The following OR3A2 variants were observed in gnomAD, a reference collection of about 807,000 sequenced individuals.
The protein encoded by OR3A2 is olfactory receptor 3A2.
For synonymous variants in OR3A2, 126 were observed against 159.3 expected, an observed-to-expected ratio of 0.79 and a Z score of 1.57; for missense variants, 318 against 392.8, an observed-to-expected ratio of 0.81 and a Z score of 1.61.
chr17:3,320,226 TTTG>T (rs2049109228), intron 3 of OR3A2, among the ~76,000 whole-genome samples: 1 of 131,050 alleles, frequency 7.6e-6, no homozygotes, highest in South Asian at 3.3e-4. Flanking sequence ...GATGGGGTTG[TTTG>T]TTTTTTTCTT....
At chr17:3,349,873 G>C (rs941717757) in intron 2 of OR3A2, among the ~76,000 whole-genome samples, 3 of 152,048 alleles carry the variant, frequency 2.0e-5, no homozygotes, top group African/African-American at 7.3e-5. Context: ...TCATGATTAA[G>C]AATCTCACTC....
intron 2 of OR3A2, among the ~76,000 whole-genome samples, chr17:3,361,538 T>C (rs1220736261): frequency 6.6e-6 from 1 of 151,698 alleles, no homozygotes; most frequent in African/African-American, 2.4e-5. Context: ...TTCAGTATGA[T>C]ATTGGCTGTG....
intron 2 of OR3A2, among the ~76,000 whole-genome samples, chr17:3,341,697 T>C (rs2049320341): frequency 6.6e-6 from 1 of 152,186 alleles, no homozygotes; most frequent in Non-Finnish European, 1.5e-5. Context: ...GCCCTTAACA[T>C]TTTTTCTTTC....
intron 3 of OR3A2, among the ~76,000 whole-genome samples, chr17:3,312,388 A>G (rs1158267113): frequency 6.6e-6 from 1 of 152,156 alleles, no homozygotes; most frequent in Non-Finnish European, 1.5e-5. Flanking sequence ...CTTGACATAC[A>G]CTAGGAGCAG....
chr17:3,302,468 A>G (rs1219834085), intron 3 of OR3A2, among the ~76,000 whole-genome samples: 1 of 152,192 alleles, frequency 6.6e-6, no homozygotes, highest in African/African-American at 2.4e-5. Flanking sequence ...ATCTTTGACA[A>G]ACCTGACAAA....
intron 2 of OR3A2, among the ~76,000 whole-genome samples, chr17:3,374,138 G>C (rs1459658610): frequency 6.6e-6 from 1 of 152,128 alleles, no homozygotes; most frequent in African/African-American, 2.4e-5. Flanking sequence ...ATCCCTTCTG[G>C]CTTGTAGGGC....
intron 2 of OR3A2, among the ~76,000 whole-genome samples, chr17:3,340,925 C>T (rs1222694587): frequency 2.0e-5 from 3 of 152,010 alleles, no homozygotes; most frequent in African/African-American, 7.3e-5. Context: ...TCTCTCAGGA[C>T]TTGCTTTATG....
chr17:3,287,200 T>C (rs747932047), upstream of OR3A2, among the ~76,000 whole-genome samples: 53 of 152,206 alleles, frequency 3.5e-4, no homozygotes, highest in Admixed American at 3.5e-3. Context: ...TAATGTACAC[T>C]GTACTAATTA....
At chr17:3,279,029 G>C in intron 1 of OR3A2, 47 bp downstream of exon 4, 1 of 1,531,400 alleles carries the variant, frequency 6.5e-7, no homozygotes, top group Non-Finnish European at 8.8e-7. Flanking sequence ...CGAGTCCCCA[G>C]GCCATCCCTC....
At chr17:3,316,789 CAG>C (rs1159309931) in intron 3 of OR3A2, among the ~76,000 whole-genome samples, 40 of 152,280 alleles carry the variant, frequency 2.6e-4, no homozygotes, top group African/African-American at 9.4e-4. Flanking sequence ...CAAAACTAAA[CAG>C]AGTGATAATG....
At chr17:3,373,795 A>G (rs1465477381) in intron 2 of OR3A2, among the ~76,000 whole-genome samples, 1 of 152,144 alleles carries the variant, frequency 6.6e-6, no homozygotes, top group Admixed American at 6.5e-5. Flanking sequence ...TTTACATTCA[A>G]TGTTAATACT....
At chr17:3,385,449 G>GGATAGATA (rs56810423) in intron 1 of OR3A2, among the ~76,000 whole-genome samples, 14 of 151,970 alleles carry the variant, frequency 9.2e-5, no homozygotes, top group African/African-American at 3.1e-4. Context: ...TGATAGAGGA[G>GGATAGATA]GATAGATAGA....
At chr17:3,334,943 A>G (rs2150644417) in intron 3 of OR3A2, among the ~76,000 whole-genome samples, 1 of 152,318 alleles carries the variant, frequency 6.6e-6, no homozygotes, top group African/African-American at 2.4e-5. Flanking sequence ...CTTCAACAGG[A>G]AGGTGACAGT....
intron 2 of OR3A2, among the ~76,000 whole-genome samples, chr17:3,372,309 G>A (rs1457021984): frequency 3.4e-5 from 5 of 149,072 alleles, no homozygotes; most frequent in Admixed American, 1.3e-4. Flanking sequence ...ATGGGATGGC[G>A]GCCGGGCAGA....
At chr17:3,375,860 T>A (rs1464595942) in intron 2 of OR3A2, among the ~76,000 whole-genome samples, 2 of 152,152 alleles carry the variant, frequency 1.3e-5, no homozygotes, top group Non-Finnish European at 2.9e-5. Flanking sequence ...GCAGTGATTG[T>A]TATTTGTCTT....
chr17:3,363,243 CT>C (rs57211525), intron 2 of OR3A2, among the ~76,000 whole-genome samples: 1,801 of 151,880 alleles, frequency 0.012, 97 homozygotes, highest in African/African-American at 0.041. Context: ...TGCTCTATTT[CT>C]TTCTTCATGC....
chr17:3,330,199 G>A (rs917108950), intron 3 of OR3A2, among the ~76,000 whole-genome samples: 1 of 151,414 alleles, frequency 6.6e-6, no homozygotes, highest in African/African-American at 2.4e-5. Flanking sequence ...TTGATTTGGG[G>A]TGGAGAGTTC....
At chr17:3,301,377 T>A (rs368397063) in intron 3 of OR3A2, among the ~76,000 whole-genome samples, 68 of 151,992 alleles carry the variant, frequency 4.5e-4, no homozygotes, top group South Asian at 8.3e-4. Context: ...TTTTAATGAT[T>A]GCCATTCTAA....
chr17:3,368,490 G>A (rs2049583378), intron 2 of OR3A2, among the ~76,000 whole-genome samples: 1 of 152,192 alleles, frequency 6.6e-6, no homozygotes, highest in African/African-American at 2.4e-5. Flanking sequence ...GTTGAATAGG[G>A]TGCCCTTTCC....
Sources: gnomAD v4.1 joint callset for allele counts (sites outside exome capture counted in the v4.1 genomes callset) on GRCh38, gnomAD v4.1.1 for gene constraint, MANE v1.5 for transcripts, NCBI Gene and HGNC (gene_info 2026-07-23, HGNC 2026-07-21) for gene names.